APP: variants seen among roughly 807,000 people sequenced by gnomAD.
The protein encoded by APP is amyloid beta precursor protein.
A neutral mutation model predicts 101.4 loss-of-function variants in APP; 31 were observed. The ratio of observed to expected loss-of-function variants is 0.31; its 90% confidence interval spans 0.23 to 0.41. The LOEUF is 0.41. Ranked by LOEUF, APP falls within the 10% of genes least tolerant of loss-of-function variation. The pLI is 1.00. For missense variants in APP, 839 were observed against 1,003.7 expected, an observed-to-expected ratio of 0.84 and a Z score of 2.22; for synonymous variants, 366 against 364.4, an observed-to-expected ratio of 1.00 and a Z score of -0.05.
chr21:25,997,339 C>T, intron 8 of APP, 21 bp downstream of exon 8: 11 of 1,611,160 alleles, frequency 6.8e-6, no homozygotes, highest in Non-Finnish European at 8.5e-6. Context: ...CTTCCCTTCC[C>T]TCAGGTGAAT....
chr21:26,053,512 C>A (rs985446529), intron 3 of APP, 164 bp from the exon 4 acceptor site: 4 of 571,658 alleles, frequency 7.0e-6, no homozygotes, highest in Non-Finnish European at 1.3e-5. Context: ...CGTCTGGCCT[C>A]CTTAAGCAAC....
intron 3 of APP, among the ~76,000 whole-genome samples, chr21:26,074,422 A>G (rs780064129): frequency 4.6e-5 from 7 of 152,202 alleles, no homozygotes; most frequent in Non-Finnish European, 8.8e-5. Context: ...TCTAAAATCT[A>G]TTATCACTGA....
intron 13 of APP, among the ~76,000 whole-genome samples, chr21:25,918,495 A>G (rs1004139397): frequency 5.9e-5 from 9 of 152,170 alleles, no homozygotes; most frequent in Admixed American, 4.6e-4. Flanking sequence ...AGGGAGTGCC[A>G]GACAGTGGGC....
intron 2 of APP, among the ~76,000 whole-genome samples, chr21:26,096,732 C>T (rs1398669389): frequency 1.3e-5 from 2 of 152,064 alleles, no homozygotes; most frequent in African/African-American, 4.8e-5. Flanking sequence ...ACTGGGATCA[C>T]GTCACTGCAC....
intron 8 of APP, among the ~76,000 whole-genome samples, chr21:25,990,407 C>T (rs1037269322): frequency 6.6e-6 from 1 of 151,838 alleles, no homozygotes; most frequent in Non-Finnish European, 1.5e-5. Flanking sequence ...TTAAAAGCAA[C>T]CTCAAGTTTG....
intron 7 of APP, among the ~76,000 whole-genome samples, chr21:25,999,583 G>GC (rs2043196608): frequency 6.6e-6 from 1 of 152,218 alleles, no homozygotes. Context: ...AACTCAAGCT[G>GC]CATCAGCCAG....
chr21:26,038,731 T>G (rs1187226084), intron 5 of APP, among the ~76,000 whole-genome samples: 1 of 152,116 alleles, frequency 6.6e-6, no homozygotes, highest in Non-Finnish European at 1.5e-5. Context: ...GCCACTGCAC[T>G]CCAGTCTGGG....
intron 14 of APP, among the ~76,000 whole-genome samples, chr21:25,907,369 A>G (rs764870427): frequency 5.3e-5 from 8 of 152,044 alleles, no homozygotes; most frequent in Non-Finnish European, 1.2e-4. Flanking sequence ...ATCATTGCCG[A>G]AAAAAAAGAA....
chr21:26,142,799 A>C (rs890923079), intron 1 of APP, among the ~76,000 whole-genome samples: 5 of 152,190 alleles, frequency 3.3e-5, no homozygotes, highest in African/African-American at 1.2e-4. Context: ...GTGAAAAAAA[A>C]CAAAAATAGT....
At chr21:25,903,296 G>T (rs1443505488) in intron 15 of APP, among the ~76,000 whole-genome samples, 1 of 149,884 alleles carries the variant, frequency 6.7e-6, no homozygotes, top group African/African-American at 2.5e-5. Context: ...TTGAACCCCC[G>T]AGGCAGAGGT....
intron 8 of APP, among the ~76,000 whole-genome samples, chr21:25,983,532 A>G (rs60862337): frequency 0.021 from 3,148 of 152,336 alleles, 104 homozygotes; most frequent in African/African-American, 0.071. Flanking sequence ...GAAGTTAAAT[A>G]CGTTTTCTAC....
intron 8 of APP, among the ~76,000 whole-genome samples, chr21:25,988,731 A>T (rs2146628231): frequency 6.7e-6 from 1 of 149,198 alleles, no homozygotes; most frequent in East Asian, 1.9e-4. Flanking sequence ...AAAGGAGACA[A>T]AGATGAAGGT....
chr21:25,955,845 T>G (rs1172663194), intron 11 of APP, 90 bp from the exon 12 acceptor site: 1 of 1,587,730 alleles, frequency 6.3e-7, no homozygotes, highest in African/African-American at 1.3e-5. Context: ...CACTAATGCA[T>G]CCGGTCATGT....
intron 1 of APP, among the ~76,000 whole-genome samples, chr21:26,151,363 A>G (rs1204149776): frequency 1.3e-5 from 2 of 152,130 alleles, no homozygotes; most frequent in Non-Finnish European, 2.9e-5. Context: ...GCAACAACTT[A>G]CAGTTAAGCT....
At position 26,143,892 on chromosome 21, in the gene APP, A is replaced by C. The variant is rs113678411; in HGVS notation, c.57+26672T>G. Among the ~76,000 whole-genome samples, 212 of 152,244 alleles carry C rather than the reference A, an allele frequency of 1.4e-3. 1 individual carries two copies. Among genetic ancestry groups the C allele is most frequent in the African/African-American group, 5.0e-3 (207 of 41,544 alleles). ...AACCTCACCCCTATTGTTTATTGCT[A>C]CTTGGGTCAAATTATGTAGCCTCCC... On this transcript the variant is annotated intron_variant, in intron 1 of 17. Transcript: ENST00000346798.
At chr21:25,948,823 A>G (rs2040942581) in intron 13 of APP, among the ~76,000 whole-genome samples, 1 of 152,190 alleles carries the variant, frequency 6.6e-6, no homozygotes, top group Non-Finnish European at 1.5e-5. Flanking sequence ...AGAAAACACC[A>G]ATCATTTTTA....
chr21:26,053,421 A>G, intron 3 of APP, 73 bp from the exon 4 acceptor site: 1 of 1,109,262 alleles, frequency 9.0e-7, no homozygotes, highest in Admixed American at 1.7e-5. Flanking sequence ...GACATCAAGG[A>G]AAGATAGACT....
At chr21:25,944,011 G>A (rs1187420213) in intron 13 of APP, among the ~76,000 whole-genome samples, 1 of 151,664 alleles carries the variant, frequency 6.6e-6, no homozygotes, top group Non-Finnish European at 1.5e-5. Flanking sequence ...CTGCCCTCAG[G>A]GGATGGGCAG....
chr21:25,902,874 A>T (rs767823607), intron 15 of APP, among the ~76,000 whole-genome samples: 73 of 152,174 alleles, frequency 4.8e-4, no homozygotes, highest in Non-Finnish European at 8.8e-4. Context: ...TCAAACCTAG[A>T]AAGAATTTAG....
Sources: gnomAD v4.1 joint callset for allele counts (sites outside exome capture counted in the v4.1 genomes callset) on GRCh38, gnomAD v4.1.1 for gene constraint, MANE v1.5 for transcripts, NCBI Gene and HGNC (gene_info 2026-07-23, HGNC 2026-07-21) for gene names.